CMYA5: variants seen among roughly 807,000 people sequenced by gnomAD.
CMYA5 encodes the protein cardiomyopathy-associated protein 5.
Under a neutral mutation model 318.9 loss-of-function variants are expected in CMYA5, and 246 were observed. The ratio of observed to expected loss-of-function variants is 0.77; its 90% CI spans 0.70 to 0.86. The LOEUF (loss-of-function observed/expected upper bound fraction) is 0.86. Among genes scored for constraint, CMYA5 ranks in the 40% least tolerant of loss-of-function variants. The pLI is 0.00. For synonymous variants in CMYA5, 1,641 were observed against 1,729.5 expected (o/e 0.95, Z 1.27); for missense variants, 4,589 against 4,678.2 (o/e 0.98, Z 0.56).
In CMYA5 at chr5:79,732,512, G is replaced by T; in HGVS notation, c.3747G>T (p.Glu1249Asp). The change falls in exon 2 of 13, where the codon GAG becomes GAT. Residue 1249 changes from glutamate (E) to aspartate (D), a missense_variant. Around this residue, in one of 3 missense-constraint regions of CMYA5, gnomAD observed 2,132 missense variants for 2,131.3 expected, o/e 1.00. Transcript: ENST00000446378. ...KYSVLPDMVD[E>D]PKKGVKPKLV... ...CAGTTTTGCCTGACATGGTAGATGA[G>T]CCAAAGAAGGGTGTCAAGCCCAAAT... The T allele has an allele frequency of 6.2e-7, 1 of 1,613,178 alleles. No homozygotes were observed. The highest frequency in any genetic ancestry group is 8.5e-7 in the Non-Finnish European group (1 of 1,179,610).
chr5:79,785,434 G>C (rs1463548480), intron 9 of CMYA5, among the ~76,000 whole-genome samples: 1 of 151,952 alleles, frequency 6.6e-6, no homozygotes, highest in South Asian at 2.1e-4. Context: ...AAGAACTGAT[G>C]TGCCTTTCCC....
chr5:79,763,059 C>A lies in CMYA5; in HGVS notation c.11408-3C>A. 1 of 1,611,156 alleles carries A rather than the reference C, an allele frequency of 6.2e-7. No homozygotes were observed. The highest frequency in any genetic ancestry group is 8.5e-7 in the Non-Finnish European group (1 of 1,178,020). On this transcript the variant is annotated splice_region_variant and splice_polypyrimidine_tract_variant and intron_variant, in intron 8 of 12. Transcript: ENST00000446378. ...CACGACTGTCCTGACTCTCTTTCTG[C>A]AGCACCCTCCACCCCTGTGATCCGC...
Position 79,731,066 on chromosome 5 carries a change from A to T in CMYA5, c.2301A>T (p.Ser767=). 6.2e-7 allele frequency: 1 copy of T among 1,613,968 alleles called. No homozygotes were observed. ...STTEKTSECQ[S]PLPSTATSEH... is the part of the protein sequence containing the mutation. Reference sequence around the variant, plus strand: ...CCGAAAAGACTTCTGAATGCCAGTCACCACTGCCTTCTACTGCCACATCAG... The same window carrying T: ...CCGAAAAGACTTCTGAATGCCAGTCTCCACTGCCTTCTACTGCCACATCAG... The change falls in exon 2 of 13, where the codon TCA becomes TCT. Residue 767 remains serine, a synonymous_variant. Coordinates refer to ENST00000446378, the MANE Select transcript of CMYA5 (RefSeq NM_153610.5).
chr5:79,796,237 G>C (rs2151101881), intron 12 of CMYA5, among the ~76,000 whole-genome samples: 2 of 152,256 alleles, frequency 1.3e-5, no homozygotes, highest in South Asian at 4.1e-4. Context: ...TGCAATAATA[G>C]AAAAATGGTG....
intron 1 of CMYA5, among the ~76,000 whole-genome samples, chr5:79,712,874 C>G (rs1827425774): frequency 1.3e-5 from 2 of 152,166 alleles, no homozygotes; most frequent in African/African-American, 4.8e-5. Flanking sequence ...AAGATCCCAA[C>G]CTGACATATT....
rs1828242041 is a variant in CMYA5, at chr5:79,742,703, T to A, written c.10639-1124T>A. 2.0e-5 allele frequency among the ~76,000 whole-genome samples: 3 copies of A among 151,986 alleles called. No homozygotes were observed. The South Asian group carries it at 6.2e-4, about 32-fold the overall frequency. On this transcript the variant is annotated intron_variant, in intron 2 of 12. Coordinates refer to ENST00000446378, the MANE Select transcript of CMYA5 (RefSeq NM_153610.5). ...TCATTTACTCACTCCCTTCCTGCATTCTCAGTGTTTATTTATCTCCCATTG... is the reference window on the plus strand; with the variant it reads ...TCATTTACTCACTCCCTTCCTGCATACTCAGTGTTTATTTATCTCCCATTG...
intron 12 of CMYA5, among the ~76,000 whole-genome samples, chr5:79,793,976 G>A (rs527778972): frequency 3.7e-4 from 56 of 152,322 alleles, no homozygotes; most frequent in African/African-American, 1.3e-3. Context: ...AGATAGGGAA[G>A]AGGGAGGGGC....
In CMYA5 at chr5:79,739,105, C is replaced by A. The variant is rs1580778062; in HGVS notation, c.10340C>A (p.Pro3447His). The part of the protein sequence containing the change: ...LSEELSSEST[P>H]EDVLSQGKES... ...GAAGAACTGTCTTCAGAATCCACAC[C>A]TGAAGATGTCTTATCTCAAGGAAAG... The change falls in exon 2 of 13, where the codon CCT (proline) becomes CAT (histidine). Residue 3447 changes from proline to histidine, a missense_variant. Around this residue, in one of 3 missense-constraint regions of CMYA5, gnomAD observed 2,431 missense variants for 2,495.1 expected, o/e 0.97. Coordinates refer to ENST00000446378, the MANE Select transcript of CMYA5 (RefSeq NM_153610.5). The A allele has an allele frequency of 1.2e-6, 2 of 1,613,846 alleles. No individual in the cohort carries two copies. Among genetic ancestry groups the A allele is most frequent in the East Asian group, 4.5e-5 (2 of 44,866 alleles).
chr5:79,798,576 C>A (rs1231214594), intron 12 of CMYA5, among the ~76,000 whole-genome samples: 1 of 152,206 alleles, frequency 6.6e-6, no homozygotes, highest in Non-Finnish European at 1.5e-5. Flanking sequence ...TGAAGATCTA[C>A]ACCCTGAGAG....
rs1226979688 is a variant in CMYA5 at position 79,718,097 on chromosome 5, C to T, written c.150-10818C>T. Among the ~76,000 whole-genome samples, 6 of 119,256 alleles carry T rather than the reference C, an allele frequency of 5.0e-5. 1 individual carries two copies. Among genetic ancestry groups the T allele is most frequent in the South Asian group, 2.6e-4 (1 of 3,886 alleles). The allele number at this position is 119,256 out of a possible 152,430, so 78.2% of individuals were successfully genotyped here. A position where few individuals can be genotyped will look rare whatever the true frequency, so the allele number is the denominator to read the frequency against. On this transcript the variant is annotated intron_variant, in intron 1 of 12. Coordinates refer to ENST00000446378, the MANE Select transcript of CMYA5 (RefSeq NM_153610.5). Reference sequence around the variant, plus strand: ...AGAGACGGGGTTTCACCGTTTTAGCCGGGATGGTCTCGATCTCCTGACCTC... The same window carrying T: ...AGAGACGGGGTTTCACCGTTTTAGCTGGGATGGTCTCGATCTCCTGACCTC...
In CMYA5 at chr5:79,790,173, C is replaced by A. The variant is rs73773438; in HGVS notation, c.11690-797C>A. Among the ~76,000 whole-genome samples the A allele has an allele frequency of 5.0e-3, 764 of 152,040 alleles. 7 individuals are homozygous for A. Among genetic ancestry groups the A allele is most frequent in the African/African-American group, 0.018 (734 of 41,454 alleles). ...GCCTGATGTTTATGAAGAGAAGATG[C>A]GAGGGCTGTCTTCCCAGCAGTGTTC... On this transcript the variant is annotated intron_variant, in intron 10 of 12. Coordinates refer to ENST00000446378, the MANE Select transcript of CMYA5 (RefSeq NM_153610.5).
At position 79,736,939 on chromosome 5, in the gene CMYA5, C is replaced by T. The variant is rs987825483; in HGVS notation, c.8174C>T (p.Pro2725Leu). The change falls in exon 2 of 13, where the codon CCA (proline) becomes CTA (leucine). Residue 2725 changes from proline to leucine, a missense_variant. Physicochemically the swap from Pro to Leu is moderately conservative, Grantham distance 98. Coordinates refer to ENST00000446378, the MANE Select transcript of CMYA5 (RefSeq NM_153610.5). ...GTGGAGAAAACTAAGACTTTCCTGCCAGTGGTTCTTTCTTGTCATGATGAA... is the reference window on the plus strand; with the variant it reads ...GTGGAGAAAACTAAGACTTTCCTGCTAGTGGTTCTTTCTTGTCATGATGAA... The part of the protein sequence containing the change: ...VLVEKTKTFL[P>L]VVLSCHDEIE... The T allele has an allele frequency of 2.5e-6, 4 of 1,613,062 alleles. No homozygotes were observed. In the Admixed American group the frequency reaches 6.7e-5, roughly 27 times the overall value.
At chr5:79,790,338 C>T (rs528789818) in intron 10 of CMYA5, among the ~76,000 whole-genome samples, 4 of 152,114 alleles carry the variant, frequency 2.6e-5, no homozygotes, top group Admixed American at 6.5e-5. Context: ...GGCACGATCT[C>T]GGCTCACTGC....
chr5:79,745,185 C>A, intron 3 of CMYA5, 37 bp from the exon 4 acceptor site: 11 of 1,263,996 alleles, frequency 8.7e-6, no homozygotes, highest in Non-Finnish European at 1.2e-5. Context: ...TTTCTTGTTT[C>A]ATTCAGAAGT....
In CMYA5 at chr5:79,789,106, T is replaced by TA; in HGVS notation, c.11689+3dup. ...AAGCTGCTCTCATCTCCACCAGAGG[T>TA]ACTTTCTCCTTTGCACACAGTGAGC... On this transcript the variant is annotated splice_region_variant and intron_variant, in intron 10 of 12. Coordinates refer to ENST00000446378, the MANE Select transcript of CMYA5 (RefSeq NM_153610.5). 1 of 1,613,662 alleles carries TA rather than the reference T, an allele frequency of 6.2e-7. No homozygotes were observed. The highest frequency in any genetic ancestry group is 8.5e-7 in the Non-Finnish European group (1 of 1,179,752).
chr5:79,720,648 C>G (rs1827607537), intron 1 of CMYA5, among the ~76,000 whole-genome samples: 1 of 152,040 alleles, frequency 6.6e-6, no homozygotes, highest in Non-Finnish European at 1.5e-5. Flanking sequence ...GTTGGTAAGG[C>G]TGGTCTTGAA....
chr5:79,787,096 C>G (rs2151099792), intron 9 of CMYA5, among the ~76,000 whole-genome samples: 1 of 152,324 alleles, frequency 6.6e-6, no homozygotes, highest in East Asian at 1.9e-4. Context: ...AGGGCAAACA[C>G]TTACCTACAA....
Position 79,791,033 on chromosome 5 carries a change from C to G in CMYA5, c.11753C>G (p.Thr3918Arg), listed in dbSNP as rs1218886728. ...HPALHISSSG[T>R]VISFGERRRL... ...GCTCTACACATTTCCTCAAGTGGGA[C>G]AGTGATCAGCTTTGGTGAGAGGAGA... The change falls in exon 11 of 13, where the codon ACA becomes AGA. Residue 3918 changes from threonine (T) to arginine (R), a missense_variant. Thr to Arg is a moderately conservative substitution (Grantham distance 71). This residue lies in a region of CMYA5 where 2,431 missense variants were observed against 2,495.1 expected (regional missense o/e 0.97). Coordinates refer to ENST00000446378, the MANE Select transcript of CMYA5 (RefSeq NM_153610.5). 1.2e-6 allele frequency: 2 copies of G among 1,613,742 alleles called. No individual in the cohort carries two copies. Among genetic ancestry groups the G allele is most frequent in the South Asian group, 2.2e-5 (2 of 91,000 alleles).
intron 2 of CMYA5, among the ~76,000 whole-genome samples, chr5:79,740,651 T>G (rs990284713): frequency 6.6e-6 from 1 of 152,216 alleles, no homozygotes; most frequent in Non-Finnish European, 1.5e-5. Context: ...AGTCCCAACA[T>G]GTATCCTCCT....
Sources: allele counts gnomAD v4.1 joint callset (sites outside exome capture counted in the v4.1 genomes callset), GRCh38; gene constraint gnomAD v4.1.1; regional missense constraint gnomAD v4.1.1; transcripts MANE v1.5; gene names NCBI Gene and HGNC (gene_info 2026-07-23, HGNC 2026-07-21).